Variants in ROBO2 observed in about 807,000 individuals in gnomAD.
The protein encoded by ROBO2 is roundabout homolog 2.
In ROBO2, 53 loss-of-function variants were observed where a neutral mutation model predicts 160.8. The ratio of observed to expected loss-of-function variants is 0.33; its 90% CI spans 0.26 to 0.41. ROBO2 has a LOEUF of 0.41. Among genes scored for constraint, ROBO2 ranks in the 10% least tolerant of loss-of-function variants. The pLI is 1.00. For missense variants in ROBO2, 1,577 were observed against 1,722.4 expected (o/e 0.92, Z 1.49); for synonymous variants, 664 against 611.7 (o/e 1.09, Z -1.26).
chr3:76,864,846 A>G (rs1214402969), intron 2 of ROBO2, among the ~76,000 whole-genome samples: 2 of 152,158 alleles, frequency 1.3e-5, no homozygotes, highest in Admixed American at 1.3e-4. Flanking sequence ...TGTAAAAGTT[A>G]GCTAAATAGA....
intron 1 of ROBO2, among the ~76,000 whole-genome samples, chr3:77,043,357 T>C (rs1259829662): frequency 6.6e-6 from 1 of 152,226 alleles, no homozygotes; most frequent in Non-Finnish European, 1.5e-5. Context: ...CAGTGACAAA[T>C]GATACATATA....
chr3:76,062,711 C>T (rs2107898292), intron 2 of ROBO2, among the ~76,000 whole-genome samples: 1 of 152,242 alleles, frequency 6.6e-6, no homozygotes, highest in Non-Finnish European at 1.5e-5. Flanking sequence ...AAGTGCAGAT[C>T]AAAAAGCATG....
intron 2 of ROBO2, among the ~76,000 whole-genome samples, chr3:76,488,802 C>T (rs540748713): frequency 2.6e-5 from 4 of 151,944 alleles, no homozygotes; most frequent in East Asian, 1.9e-4. Flanking sequence ...CCTTTAAAAC[C>T]CTAGAACTGA....
intron 25 of ROBO2, 135 bp downstream of exon 27, chr3:77,645,039 C>A: frequency 2.3e-6 from 2 of 885,240 alleles, no homozygotes; most frequent in Non-Finnish European, 3.6e-6. Flanking sequence ...CAATTTTCAA[C>A]AAGTTTGGTC....
chr3:76,163,768 A>C (rs542147002), intron 2 of ROBO2, among the ~76,000 whole-genome samples: 120 of 151,922 alleles, frequency 7.9e-4, no homozygotes, highest in African/African-American at 2.4e-3. Flanking sequence ...TTTTGAAAAA[A>C]CTGTTAATGA....
chr3:76,949,532 A>G (rs1442541619), intron 2 of ROBO2, among the ~76,000 whole-genome samples: 1 of 151,690 alleles, frequency 6.6e-6, no homozygotes, highest in Non-Finnish European at 1.5e-5. Context: ...CCCCTATTTA[A>G]GGTGTCCAAG....
chr3:76,233,494 C>A (rs142061961), intron 2 of ROBO2, among the ~76,000 whole-genome samples: 2 of 152,244 alleles, frequency 1.3e-5, no homozygotes, highest in Non-Finnish European at 2.9e-5. Flanking sequence ...TGGATCTGCC[C>A]TCAGGTTATC....
At chr3:76,193,055 C>T (rs750453879) in intron 2 of ROBO2, among the ~76,000 whole-genome samples, 13 of 152,084 alleles carry the variant, frequency 8.5e-5, no homozygotes, top group Non-Finnish European at 1.6e-4. Context: ...CTCATGGAAA[C>T]ACTCTCTTTG....
intron 2 of ROBO2, among the ~76,000 whole-genome samples, chr3:76,938,955 G>C (rs1252654036): frequency 8.0e-6 from 1 of 124,924 alleles, no homozygotes; most frequent in Admixed American, 9.9e-5. Flanking sequence ...TGGGCGACAA[G>C]AGCAAAACTC....
At chr3:77,180,414 C>CTATATATA (rs1449905064) in intron 2 of ROBO2, among the ~76,000 whole-genome samples, 1 of 92,736 alleles carries the variant, frequency 1.1e-5, no homozygotes, top group African/African-American at 3.7e-5. Flanking sequence ...CTCTCTCTCT[C>CTATATATA]TCTATATATA....
At chr3:76,290,428 T>G (rs4856026) in intron 2 of ROBO2, among the ~76,000 whole-genome samples, 15,442 of 152,148 alleles carry the variant, frequency 0.1, 1,593 homozygotes, top group East Asian at 0.41. Flanking sequence ...GCAGAGACTA[T>G]GGGATTTTCT....
At chr3:76,008,497 G>A (rs752619487) in intron 2 of ROBO2, among the ~76,000 whole-genome samples, 5 of 152,060 alleles carry the variant, frequency 3.3e-5, no homozygotes, top group Non-Finnish European at 7.4e-5. Flanking sequence ...AAGAAAATCA[G>A]ACTTTTATGA....
At chr3:75,928,717 G>A (rs1455131696) in intron 1 of ROBO2, among the ~76,000 whole-genome samples, 1 of 152,178 alleles carries the variant, frequency 6.6e-6, no homozygotes, top group Non-Finnish European at 1.5e-5. Flanking sequence ...ATTATAGAAC[G>A]ATCTATGTAC....
intron 2 of ROBO2, among the ~76,000 whole-genome samples, chr3:76,619,385 T>C (rs562828147): frequency 2.0e-5 from 3 of 152,120 alleles, no homozygotes; most frequent in Non-Finnish European, 4.4e-5. Flanking sequence ...TCAAATTATC[T>C]CTGTGTCTCC....
chr3:76,789,294 C>T (rs368123164), intron 2 of ROBO2, among the ~76,000 whole-genome samples: 3 of 151,410 alleles, frequency 2.0e-5, no homozygotes, highest in Admixed American at 6.6e-5. Context: ...GCAATGGCTT[C>T]GTTTTTCCAA....
intron 2 of ROBO2, among the ~76,000 whole-genome samples, chr3:76,923,350 A>T (rs1056332296): frequency 6.6e-6 from 1 of 152,236 alleles, no homozygotes; most frequent in Non-Finnish European, 1.5e-5. Flanking sequence ...ATGTGTTTCA[A>T]ATTTCACTAT....
intron 20 of ROBO2, among the ~76,000 whole-genome samples, chr3:77,603,498 A>AT (rs2094470077): frequency 1.3e-5 from 2 of 152,096 alleles, no homozygotes; most frequent in African/African-American, 4.8e-5. Flanking sequence ...ATATAATAGG[A>AT]TTTTTTATCT....
chr3:76,365,723 A>G (rs1304246495), intron 2 of ROBO2, among the ~76,000 whole-genome samples: 2 of 152,082 alleles, frequency 1.3e-5, no homozygotes, highest in Non-Finnish European at 2.9e-5. Flanking sequence ...ATATCTTGAA[A>G]ACTATCTATT....
At chr3:76,007,962 G>A (rs1016383647) in intron 2 of ROBO2, among the ~76,000 whole-genome samples, 1 of 151,934 alleles carries the variant, frequency 6.6e-6, no homozygotes, top group African/African-American at 2.4e-5. Flanking sequence ...TGCTAAATAA[G>A]TCTGGGCACG....
Sources: allele counts gnomAD v4.1 joint callset (sites outside exome capture counted in the v4.1 genomes callset), GRCh38; gene constraint gnomAD v4.1.1; transcripts MANE v1.5; gene names NCBI Gene and HGNC (gene_info 2026-07-23, HGNC 2026-07-21).